Variants in NRXN1 observed in about 807,000 individuals in gnomAD.
NRXN1 encodes neurexin-1.
In NRXN1, 39 loss-of-function variants were observed where a neutral mutation model predicts 150.9. The observed-to-expected ratio is 0.26, with a 90% CI of 0.20 to 0.34. The LOEUF (loss-of-function observed/expected upper bound fraction) is 0.34. Among genes scored for constraint, NRXN1 ranks in the 10% least tolerant of loss-of-function variants. NRXN1 has a pLI of 1.00. For synonymous variants in NRXN1, 924 were observed against 757.0 expected, an observed-to-expected ratio of 1.22 and a Z score of -3.62; for missense variants, 1,815 against 1,949.9, an observed-to-expected ratio of 0.93 and a Z score of 1.30.
chr2:49,957,142 T>C (rs558552265), intron 21 of NRXN1, among the ~76,000 whole-genome samples: 1 of 152,296 alleles, frequency 6.6e-6, no homozygotes, highest in South Asian at 2.1e-4. Context: ...GCATGAATGT[T>C]GGAGCTGAAC....
chr2:50,646,365 T>A (rs961304555), intron 5 of NRXN1, among the ~76,000 whole-genome samples: 1 of 151,982 alleles, frequency 6.6e-6, no homozygotes, highest in African/African-American at 2.4e-5. Flanking sequence ...CAGTAACAAG[T>A]GGAAGCAGGA....
intron 20 of NRXN1, among the ~76,000 whole-genome samples, chr2:50,054,200 A>T (rs1693238565): frequency 6.6e-6 from 1 of 151,838 alleles, no homozygotes; most frequent in African/African-American, 2.4e-5. Flanking sequence ...TTCCAAAAAT[A>T]TTTTTCTGAT....
At chr2:50,334,427 C>T (rs1314529403) in intron 17 of NRXN1, among the ~76,000 whole-genome samples, 1 of 152,022 alleles carries the variant, frequency 6.6e-6, no homozygotes, top group African/African-American at 2.4e-5. Flanking sequence ...TTGCCTTTCT[C>T]TCTATTTACC....
intron 2 of NRXN1, among the ~76,000 whole-genome samples, chr2:51,023,304 T>C (rs559531800): frequency 2.3e-4 from 35 of 152,282 alleles, no homozygotes; most frequent in Non-Finnish European, 4.6e-4. Flanking sequence ...TTTATCACTT[T>C]TACAGTAAAG....
chr2:51,014,126 G>A (rs1236226324), intron 2 of NRXN1, among the ~76,000 whole-genome samples: 1 of 152,006 alleles, frequency 6.6e-6, no homozygotes, highest in Non-Finnish European at 1.5e-5. Context: ...AAGGTGAGGG[G>A]GTCACTGAAA....
At chr2:50,182,583 C>T (rs1317364049) in intron 18 of NRXN1, among the ~76,000 whole-genome samples, 1 of 152,024 alleles carries the variant, frequency 6.6e-6, no homozygotes, top group Non-Finnish European at 1.5e-5. Context: ...CCTAATGCTA[C>T]ACGTTGTTAT....
At chr2:50,988,455 T>G (rs546927618) in intron 2 of NRXN1, among the ~76,000 whole-genome samples, 4 of 152,000 alleles carry the variant, frequency 2.6e-5, no homozygotes, top group African/African-American at 9.7e-5. Flanking sequence ...ATGCCAATTT[T>G]GTTTGGAAAA....
At chr2:50,619,780 G>A (rs1481056644) in intron 8 of NRXN1, 1 of 431,904 alleles carries the variant, frequency 2.3e-6, no homozygotes, top group East Asian at 3.4e-5. Context: ...AATATCAACT[G>A]TCCACACAAA....
intron 5 of NRXN1, among the ~76,000 whole-genome samples, chr2:50,838,708 G>C (rs1324120817): frequency 6.6e-6 from 1 of 152,082 alleles, no homozygotes; most frequent in Non-Finnish European, 1.5e-5. Flanking sequence ...ATCTGCAAGT[G>C]AAAGAACACC....
In NRXN1 at chr2:50,851,392, T is replaced by C. The variant is rs185807929; in HGVS notation, c.832+70477A>G. 1.9e-3 allele frequency among the ~76,000 whole-genome samples: 287 copies of C among 152,202 alleles called. 1 individual carries two copies. Among genetic ancestry groups the C allele is most frequent in the African/African-American group, 6.3e-3 (262 of 41,534 alleles). ...TAGGTAAACAAGAAATATATAAGTGTTTTAAGGTTTTCATAATTTCTATTG... is the reference window on the plus strand; with the variant it reads ...TAGGTAAACAAGAAATATATAAGTGCTTTAAGGTTTTCATAATTTCTATTG... On this transcript the variant is annotated intron_variant, in intron 5 of 22. Transcript: ENST00000401669.
At chr2:50,522,156 C>T (rs1018580708) in intron 12 of NRXN1, among the ~76,000 whole-genome samples, 2 of 152,058 alleles carry the variant, frequency 1.3e-5, no homozygotes, top group Non-Finnish European at 2.9e-5. Context: ...CTCTTCATAA[C>T]GACAACAAAT....
At chr2:50,519,214 C>A (rs961402962) in intron 12 of NRXN1, among the ~76,000 whole-genome samples, 1 of 151,840 alleles carries the variant, frequency 6.6e-6, no homozygotes, top group East Asian at 1.9e-4. Context: ...TTTTTCTAAG[C>A]AATGATATAA....
At chr2:50,619,685 G>A (rs1202794425) in intron 8 of NRXN1, 1 of 388,924 alleles carries the variant, frequency 2.6e-6, no homozygotes, top group African/African-American at 2.1e-5. Flanking sequence ...TAACACCTAT[G>A]GCATTTAAGT....
intron 3 of NRXN1, among the ~76,000 whole-genome samples, chr2:50,923,161 GA>G (rs925104116): frequency 1.2e-4 from 18 of 151,082 alleles, no homozygotes; most frequent in East Asian, 1.2e-3. Context: ...ATTAAATGAA[GA>G]AAAAAAAATT....
intron 17 of NRXN1, among the ~76,000 whole-genome samples, chr2:50,428,742 G>C (rs2084705780): frequency 2.6e-5 from 4 of 152,134 alleles, no homozygotes; most frequent in Admixed American, 2.6e-4. Context: ...GATAGACCTT[G>C]CTTTAGCACA....
intron 5 of NRXN1, among the ~76,000 whole-genome samples, chr2:50,693,946 C>T (rs1278731410): frequency 6.6e-6 from 1 of 152,206 alleles, no homozygotes; most frequent in African/African-American, 2.4e-5. Context: ...TATCCACTAC[C>T]ATGGTCGGCT....
At chr2:50,420,563 A>G (rs2083906117) in intron 17 of NRXN1, among the ~76,000 whole-genome samples, 1 of 152,056 alleles carries the variant, frequency 6.6e-6, no homozygotes, top group Non-Finnish European at 1.5e-5. Context: ...AATGTGGATG[A>G]GCCAGCTGTC....
intron 2 of NRXN1, among the ~76,000 whole-genome samples, chr2:51,001,242 G>A (rs1700032801): frequency 7.5e-6 from 1 of 132,700 alleles, no homozygotes; most frequent in South Asian, 3.0e-4. Context: ...GTTGGGGGGG[G>A]GGGGCGTTTG....
chr2:50,340,825 T>C (rs909574417), intron 17 of NRXN1, among the ~76,000 whole-genome samples: 1 of 152,118 alleles, frequency 6.6e-6, no homozygotes, highest in Non-Finnish European at 1.5e-5. Context: ...AAAACATAAA[T>C]TGTGTTTTTT....
Sources: gnomAD v4.1 joint callset for allele counts (sites outside exome capture counted in the v4.1 genomes callset) on GRCh38, gnomAD v4.1.1 for gene constraint, MANE v1.5 for transcripts, NCBI Gene and HGNC (gene_info 2026-07-23, HGNC 2026-07-21) for gene names.